The following SAT1 variants were observed in gnomAD, a reference collection of about 807,000 sequenced individuals.
SAT1 encodes diamine acetyltransferase 1.
SAT1 carries 1 observed loss-of-function variant against 14.7 expected under a neutral mutation model. The observed-to-expected ratio is 0.07, with a 90% CI of 0.02 to 0.32. The LOEUF (loss-of-function observed/expected upper bound fraction) is 0.32, where lower values mean the gene tolerates loss of function less well. SAT1 is among the 10% of genes least tolerant of loss of function. The pLI, the probability that SAT1 is intolerant of heterozygous loss-of-function variation, is 1.00. For missense variants in SAT1, 77 were observed against 129.1 expected, an observed-to-expected ratio of 0.60 and a Z score of 1.96; for synonymous variants, 67 against 46.1, an observed-to-expected ratio of 1.45 and a Z score of -1.84.
At chrX:23,783,482 G>T in intron 1 of SAT1, 65 bp downstream of exon 1, 2 of 1,035,399 alleles carry the variant, frequency 1.9e-6, no homozygotes, top group Non-Finnish European at 2.7e-6. Context: ...CCAGAGTGGG[G>T]TGATTCACGT....
chrX:23,783,962 C>T (rs1428688055), intron 3 of SAT1, 79 bp downstream of exon 3: 19 of 1,204,906 alleles, frequency 1.6e-5, no homozygotes, highest in Non-Finnish European at 2.0e-5. Flanking sequence ...GAACCACTGA[C>T]TACACAGGCC....
intron 3 of SAT1, 114 bp downstream of exon 3, chrX:23,783,997 A>G: frequency 8.5e-7 from 1 of 1,181,157 alleles, no homozygotes; most frequent in Non-Finnish European, 1.1e-6. Context: ...CTTGGACAGA[A>G]AAAATAGCCA....
At chrX:23,784,657 T>C (rs1480099508) in intron 3 of SAT1, 2 of 106,236 alleles carry the variant, frequency 1.9e-5, no homozygotes, top group African/African-American at 6.9e-5. Context: ...TGGTTGCTTT[T>C]TTTCTGACGT....
rs1431304991 is a variant in SAT1 at position 23,785,983 on chromosome X, C to T, written c.*127C>T. On this transcript the variant is annotated 3_prime_UTR_variant, in exon 6 of 6. Coordinates refer to ENST00000379270, the MANE Select transcript of SAT1 (RefSeq NM_002970.4). ...CATTCCAAAGCTTTATTACCAGTGG[C>T]GTTGTTGCATGTTTGAAATGAGGTC... is the stretch of plus-strand genomic sequence containing the variant. 2.0e-5 allele frequency: 11 copies of T among 553,517 alleles called. No homozygotes were observed. The highest frequency in any genetic ancestry group is 2.4e-5 in the Non-Finnish European group (9 of 370,153). The allele number at this position is 553,517 out of a possible 1,213,427, so 45.6% of individuals were successfully genotyped here.
intron 3 of SAT1, chrX:23,784,715 T>A (rs951014552): frequency 9.1e-6 from 1 of 110,058 alleles, no homozygotes; most frequent in Non-Finnish European, 1.9e-5. Context: ...GGATGAGTAC[T>A]TTTTAGAGTA....
Position 23,783,653 on chromosome X carries a change from C to T in SAT1, c.67-5C>T, listed in dbSNP as rs752565067. On this transcript the variant is annotated splice_region_variant and splice_polypyrimidine_tract_variant and intron_variant, in intron 1 of 5. Coordinates refer to ENST00000379270, the MANE Select transcript of SAT1 (RefSeq NM_002970.4). ...CTTTTTTCTCTCCTATGTGCATCCC[C>T]CCAGGAGCTGGCTAAATATGAATAC... is the stretch of plus-strand genomic sequence containing the variant. The T allele has an allele frequency of 6.7e-6, 8 of 1,186,588 alleles. No individual in the cohort carries two copies. Among genetic ancestry groups the T allele is most frequent in the Admixed American group, 2.3e-5 (1 of 43,663 alleles).
intron 3 of SAT1, chrX:23,784,096 G>A: frequency 9.1e-7 from 1 of 1,098,114 alleles, no homozygotes; most frequent in Non-Finnish European, 1.2e-6. Context: ...GTTTAAGTAA[G>A]TATCAGAGTG....
At chrX:23,785,238 T>C in intron 3 of SAT1, 90 bp from the exon 4 acceptor site, 1 of 689,125 alleles carries the variant, frequency 1.5e-6, no homozygotes, top group Non-Finnish European at 2.3e-6. Flanking sequence ...TGTGTGTTTT[T>C]TAAAACCTAT....
rs1303018536 is a variant in SAT1 at position 23,785,422 on chromosome X, T to TTAA, written c.299_300insATA (p.Asp99_Tyr100insTer). On this transcript the variant is annotated stop_gained and inframe_insertion, in exon 4 of 6. Transcript: ENST00000379270. ...TTGAGGACTTCTTCGTGATGAGTGA[T>TTAA]TATAGAGGTACGATTGAGTTCGGAG... The TTAA allele has an allele frequency of 8.4e-7, 1 of 1,188,462 alleles. No homozygotes were observed. The highest frequency in any genetic ancestry group is 1.7e-5 in the African/African-American group (1 of 57,436).
Position 23,785,277 on chromosome X carries a change from T to A in SAT1, c.203-51T>A, listed in dbSNP as rs779242223. 47 of 978,536 alleles carry A rather than the reference T, an allele frequency of 4.8e-5. No homozygotes were observed. The Admixed American group carries it at 8.0e-4, about 17-fold the overall frequency. The allele number at this position is 978,536 out of a possible 1,213,427, so 80.6% of individuals were successfully genotyped here. A position where few individuals can be genotyped will look rare whatever the true frequency, so the allele number is the denominator to read the frequency against. On this transcript the variant is annotated intron_variant, in intron 3 of 5. Transcript: ENST00000379270. ...AGGCCTCTGATTCTGCAGCTGCAACTTTTATGGAATGTTTTCCTTCTCCAC... is the reference window on the plus strand; with the variant it reads ...AGGCCTCTGATTCTGCAGCTGCAACATTTATGGAATGTTTTCCTTCTCCAC...
chrX:23,785,945 T>C lies in SAT1; in HGVS notation c.*89T>C. On this transcript the variant is annotated 3_prime_UTR_variant, in exon 6 of 6. Coordinates refer to ENST00000379270, the MANE Select transcript of SAT1 (RefSeq NM_002970.4). Reference sequence around the variant, plus strand: ...TTCTATGCTGTTTGTAGTGAAATAATAGAATGAGCACCCATTCCAAAGCTT... The same window carrying C: ...TTCTATGCTGTTTGTAGTGAAATAACAGAATGAGCACCCATTCCAAAGCTT... The C allele has an allele frequency of 9.9e-6, 8 of 810,829 alleles. No homozygotes were observed. In the South Asian group the frequency reaches 2.2e-4, roughly 22 times the overall value. The allele number at this position is 810,829 out of a possible 1,213,427, so 66.8% of individuals were successfully genotyped here. A position where few individuals can be genotyped will look rare whatever the true frequency, so the allele number is the denominator to read the frequency against.
chrX:23,783,831 C>G lies in SAT1; in HGVS notation c.150C>G (p.Pro50=), dbSNP rs1240629031. ...DLLEDGFGEH[P]FYHCLVAEVP... is the part of the protein sequence containing the mutation. Reference sequence around the variant, plus strand: ...TAGAAGATGGTTTTGGAGAGCACCCCTTTTACCACTGCCTGGTTGCAGAAG... The same window carrying G: ...TAGAAGATGGTTTTGGAGAGCACCCGTTTTACCACTGCCTGGTTGCAGAAG... The change falls in exon 3 of 6, where the codon CCC becomes CCG. Residue 50 remains proline (P), a synonymous_variant. Transcript: ENST00000379270. 1.7e-6 allele frequency: 2 copies of G among 1,211,690 alleles called. No individual in the cohort carries two copies. The highest frequency in any genetic ancestry group is 2.2e-6 in the Non-Finnish European group (2 of 895,525).
Position 23,783,471 on chromosome X carries a change from C to G in SAT1, c.66+54C>G, listed in dbSNP as rs1363137439. The G allele has an allele frequency of 4.6e-6, 5 of 1,090,050 alleles. No homozygotes were observed. The Admixed American group carries it at 1.1e-4, about 25-fold the overall frequency. The allele number at this position is 1,090,050 out of a possible 1,213,427, so 89.8% of individuals were successfully genotyped here. On this transcript the variant is annotated intron_variant, in intron 1 of 5. Transcript: ENST00000379270. ...GCGTGGGGTGGAGGTGGCTCCGTTT[C>G]CCAGAGTGGGGTGATTCACGTCTTG...
At chrX:23,784,539 T>C (rs981816858) in intron 3 of SAT1, 1 of 108,649 alleles carries the variant, frequency 9.2e-6, no homozygotes, top group African/African-American at 3.4e-5. Context: ...TTTGGAATAG[T>C]AGACACCAGT....
At position 23,785,577 on chromosome X, in the gene SAT1, G is replaced by T; in HGVS notation, c.345+17G>T. On this transcript the variant is annotated intron_variant, in intron 5 of 5. Coordinates refer to ENST00000379270, the MANE Select transcript of SAT1 (RefSeq NM_002970.4). Reference sequence around the variant, plus strand: ...CTAAGCCAGGTATGTCTTAGTTTTTGGTTTCCAAATTTGTAAGTTTACTGG... The same window carrying T: ...CTAAGCCAGGTATGTCTTAGTTTTTTGTTTCCAAATTTGTAAGTTTACTGG... The T allele has an allele frequency of 8.3e-7, 1 of 1,199,830 alleles. No individual in the cohort carries two copies. Among genetic ancestry groups the T allele is most frequent in the South Asian group, 1.8e-5 (1 of 56,321 alleles).
rs1283002715 is a variant in SAT1 at position 23,785,302 on chromosome X, C to T, written c.203-26C>T. On this transcript the variant is annotated intron_variant, in intron 3 of 5. Coordinates refer to ENST00000379270, the MANE Select transcript of SAT1 (RefSeq NM_002970.4). ...TTTTATGGAATGTTTTCCTTCTCCA[C>T]ATCTCATGTGATGCTCTTATTACAG... 6.5e-6 allele frequency: 7 copies of T among 1,077,663 alleles called. No homozygotes were observed. In the South Asian group the frequency reaches 1.1e-4, roughly 17 times the overall value. The allele number at this position is 1,077,663 out of a possible 1,213,427, so 88.8% of individuals were successfully genotyped here.
chrX:23,785,475 A>G (rs1433523885), intron 4 of SAT1, 45 bp from the exon 5 acceptor site: 2 of 1,178,332 alleles, frequency 1.7e-6, no homozygotes, highest in Non-Finnish European at 2.3e-6. Flanking sequence ...GTTCAGAGTT[A>G]TAAATGCTTA....
chrX:23,783,727 G>A lies in SAT1; in HGVS notation c.118+18G>A, dbSNP rs1281107125. 1.7e-6 allele frequency: 2 copies of A among 1,208,961 alleles called. No homozygotes were observed. Among genetic ancestry groups the A allele is most frequent in the Admixed American group, 2.2e-5 (1 of 45,879 alleles). The stretch of plus-strand genomic sequence containing the variant: ...TGAAAAAGGTAATTCAACAGTGGCG[G>A]GACGGGGGACAAGCGTTCGGTGCCT... On this transcript the variant is annotated intron_variant, in intron 2 of 5. Transcript: ENST00000379270.
intron 3 of SAT1, 163 bp downstream of exon 3, chrX:23,784,046 T>C: frequency 8.9e-7 from 1 of 1,128,527 alleles, no homozygotes; most frequent in Non-Finnish European, 1.2e-6. Context: ...AAAAATTAGA[T>C]ATGCTGCACT....
Sources: gnomAD v4.1 joint callset for allele counts on GRCh38, gnomAD v4.1.1 for gene constraint, MANE v1.5 for transcripts, NCBI Gene and HGNC (gene_info 2026-07-23, HGNC 2026-07-21) for gene names.